The following HIGD2B variants were observed in gnomAD, a reference collection of about 807,000 sequenced individuals.
The protein encoded by HIGD2B is HIG1 domain family member 2B.
For synonymous variants in HIGD2B, 45 were observed against 28.1 expected (o/e 1.60, Z -1.90); for missense variants, 106 against 67.0 (o/e 1.58, Z -2.03).
At position 72,679,996 on chromosome 15, in the gene HIGD2B, C is replaced by A; in HGVS notation, c.-14+19G>T. On this transcript the variant is annotated intron_variant, in intron 2 of 2. Transcript: ENST00000311755. Reference sequence around the variant, plus strand: ...AGCATCCTGGTAACCAACTGCTGGTCCAAACATTTCCTACTTACATGGAAC... The same window carrying A: ...AGCATCCTGGTAACCAACTGCTGGTACAAACATTTCCTACTTACATGGAAC... 8.6e-6 allele frequency: 3 copies of A among 350,574 alleles called. No homozygotes were observed. Among genetic ancestry groups the A allele is most frequent in the South Asian group, 1.4e-4 (2 of 14,534 alleles). 21.7% of individuals were successfully genotyped at this position (350,574 alleles called of 1,614,324 possible). A position where few individuals can be genotyped will look rare whatever the true frequency, so the allele number is the denominator to read the frequency against.
At chr15:72,680,845 T>C (rs532103179) in intron 1 of HIGD2B, among the ~76,000 whole-genome samples, 6 of 152,150 alleles carry the variant, frequency 3.9e-5, no homozygotes, top group Non-Finnish European at 7.4e-5. Flanking sequence ...AGTGAGATCG[T>C]GCACTCCAGC....
At chr15:72,681,919 A>AATT (rs754991233) in intron 1 of HIGD2B, among the ~76,000 whole-genome samples, 2 of 151,138 alleles carry the variant, frequency 1.3e-5, no homozygotes, top group African/African-American at 2.4e-5. Flanking sequence ...ACTCCTTTAA[A>AATT]ATTATTATTA....
chr15:72,682,406 T>C (rs552174144), intron 1 of HIGD2B: 66 of 216,582 alleles, frequency 3.0e-4, no homozygotes, highest in Middle Eastern at 2.6e-3. Flanking sequence ...TTATACCTTA[T>C]TAAAACTTCA....
At chr15:72,684,925 A>T (rs1364161348) in intron 1 of HIGD2B, among the ~76,000 whole-genome samples, 1 of 152,190 alleles carries the variant, frequency 6.6e-6, no homozygotes, top group Non-Finnish European at 1.5e-5. Context: ...CTGCGATTAC[A>T]GGCGGGCACC....
chr15:72,682,947 G>A (rs113906154), intron 1 of HIGD2B: 1,844 of 171,790 alleles, frequency 0.011, 17 homozygotes, highest in Middle Eastern at 0.018. Flanking sequence ...GCTATTCACC[G>A]CTGACCAAGC....
chr15:72,685,683 C>T (rs1485186102), intron 1 of HIGD2B, 135 bp downstream of exon 1: 2 of 179,858 alleles, frequency 1.1e-5, no homozygotes, highest in Non-Finnish European at 2.4e-5. Flanking sequence ...TTAAATATTT[C>T]CAATCAAAAG....
At chr15:72,678,200 A>G (rs548697830) in intron 2 of HIGD2B, among the ~76,000 whole-genome samples, 72 of 152,368 alleles carry the variant, frequency 4.7e-4, no homozygotes, top group African/African-American at 1.6e-3. Context: ...GGAAAACTGA[A>G]GTGCTGAGAA....
chr15:72,679,068 AAAG>A (rs1246287381), intron 2 of HIGD2B, among the ~76,000 whole-genome samples: 3 of 151,868 alleles, frequency 2.0e-5, no homozygotes, highest in East Asian at 1.9e-4. Flanking sequence ...AAGAAAAAAA[AAAG>A]AAGGAAAGAA....
chr15:72,681,809 G>C (rs1231132673), intron 1 of HIGD2B, among the ~76,000 whole-genome samples: 1 of 152,084 alleles, frequency 6.6e-6, no homozygotes, highest in Non-Finnish European at 1.5e-5. Flanking sequence ...GTTTTGCCAG[G>C]TTGGCCAGGC....
chr15:72,682,747 A>G, intron 1 of HIGD2B: 1 of 198,816 alleles, frequency 5.0e-6, no homozygotes. Context: ...TGTCTAGACA[A>G]CACTTTAACT....
intron 1 of HIGD2B, among the ~76,000 whole-genome samples, chr15:72,681,979 C>T (rs1441624190): frequency 6.6e-6 from 1 of 152,128 alleles, no homozygotes; most frequent in Admixed American, 6.5e-5. Context: ...TGTGGCACTA[C>T]CTTGATTATA....
At chr15:72,677,951 C>T (rs750581115) in intron 2 of HIGD2B, among the ~76,000 whole-genome samples, 1 of 152,112 alleles carries the variant, frequency 6.6e-6, no homozygotes, top group African/African-American at 2.4e-5. Flanking sequence ...CTCTGATTGA[C>T]TTCTTTCTCA....
intron 1 of HIGD2B, among the ~76,000 whole-genome samples, chr15:72,683,124 G>A (rs750733436): frequency 1.3e-5 from 2 of 152,228 alleles, no homozygotes; most frequent in Non-Finnish European, 2.9e-5. Context: ...TTTTGATCTG[G>A]TGGTTAAAGG....
At chr15:72,677,785 T>C (rs1291378307) in intron 2 of HIGD2B, among the ~76,000 whole-genome samples, 1 of 151,232 alleles carries the variant, frequency 6.6e-6, no homozygotes, top group Non-Finnish European at 1.5e-5. Flanking sequence ...AAAAATAAAA[T>C]AATAAATAGA....
At chr15:72,676,708 C>A (rs1427336655) in intron 2 of HIGD2B, among the ~76,000 whole-genome samples, 1 of 152,140 alleles carries the variant, frequency 6.6e-6, no homozygotes, top group Non-Finnish European at 1.5e-5. Context: ...AGCCACCATG[C>A]CCAGCCTACA....
chr15:72,679,748 G>C (rs770531499), intron 2 of HIGD2B, among the ~76,000 whole-genome samples: 3 of 151,890 alleles, frequency 2.0e-5, no homozygotes, highest in Non-Finnish European at 4.4e-5. Flanking sequence ...CTTGCATTTT[G>C]GGAAAATATA....
intron 2 of HIGD2B, 40 bp from the exon 3 acceptor site, chr15:72,676,427 A>C (rs1438201129): frequency 3.1e-6 from 2 of 646,462 alleles, no homozygotes; most frequent in African/African-American, 3.7e-5. Context: ...TTTTTTGAGA[A>C]GGAGTCTTGC....
At chr15:72,677,877 C>T (rs1182462411) in intron 2 of HIGD2B, among the ~76,000 whole-genome samples, 4 of 152,096 alleles carry the variant, frequency 2.6e-5, no homozygotes, top group Non-Finnish European at 5.9e-5. Context: ...GAAAAGAATA[C>T]TTTTCCTTGT....
chr15:72,677,659 G>A (rs1029905725), intron 2 of HIGD2B, among the ~76,000 whole-genome samples: 4 of 151,638 alleles, frequency 2.6e-5, no homozygotes. Flanking sequence ...CTACTCAAGA[G>A]GCTGAGGCAA....
Sources: gnomAD v4.1 joint callset for allele counts (sites outside exome capture counted in the v4.1 genomes callset) on GRCh38, gnomAD v4.1.1 for gene constraint, MANE v1.5 for transcripts, NCBI Gene and HGNC (gene_info 2026-07-23, HGNC 2026-07-21) for gene names.